The following ADAMTSL1 variants were observed in gnomAD, a reference collection of about 807,000 sequenced individuals.
ADAMTSL1 encodes the protein ADAMTS like 1, also known as ADAMTS-like protein 1.
ADAMTSL1 carries 126 observed loss-of-function variants against 201.8 expected under a neutral mutation model. The observed-to-expected ratio is 0.62, with a 90% CI of 0.54 to 0.72. ADAMTSL1 has a LOEUF of 0.72. Ranked by LOEUF, ADAMTSL1 falls within the 30% of genes least tolerant of loss-of-function variation. ADAMTSL1 has a pLI of 0.00. For missense variants in ADAMTSL1, 2,679 were observed against 2,277.8 expected (o/e 1.18, Z -3.59); for synonymous variants, 1,121 against 903.4 (o/e 1.24, Z -4.32).
Position 18,848,056 on chromosome 9 carries a change from C to G in ADAMTSL1, c.4249+18079C>G, listed in dbSNP as rs537373066. 3.9e-5 allele frequency among the ~76,000 whole-genome samples: 6 copies of G among 152,284 alleles called. No homozygotes were observed. The South Asian group carries it at 6.2e-4, about 16-fold the overall frequency. On this transcript the variant is annotated intron_variant, in intron 23 of 28. Transcript: ENST00000380548. The stretch of plus-strand genomic sequence containing the variant: ...AAAACAGAGGCTTATCAGGCTGGCT[C>G]TGGTACAAGCCGATATTGCTGATTT...
At chr9:18,798,336 T>A (rs1822562535) in intron 20 of ADAMTSL1, among the ~76,000 whole-genome samples, 1 of 152,220 alleles carries the variant, frequency 6.6e-6, no homozygotes, top group Admixed American at 6.5e-5. Flanking sequence ...AACGTCTTTA[T>A]ACTCACTGAC....
At position 18,503,221 on chromosome 9, in the gene ADAMTSL1, GC is replaced by G. The variant is rs1822932719; in HGVS notation, c.64-1602del. 3.3e-5 allele frequency among the ~76,000 whole-genome samples: 5 copies of G among 151,260 alleles called. No individual in the cohort carries two copies. In the South Asian group the frequency reaches 1.1e-3, roughly 32 times the overall value. ...ACTCCCCATTCCCCTCTCTCCCAGT[GC>G]CCCCCATTCTAGACACAGACACAGA... On this transcript the variant is annotated intron_variant, in intron 1 of 28. Transcript: ENST00000380548.
chr9:18,667,433 G>T (rs988966154), intron 9 of ADAMTSL1, among the ~76,000 whole-genome samples: 5 of 152,144 alleles, frequency 3.3e-5, no homozygotes, highest in Non-Finnish European at 7.4e-5. Flanking sequence ...ATGTTTAGGA[G>T]TGGGAGCTTT....
chr9:18,907,604 A>C (rs1405521637), intron 28 of ADAMTSL1: 1 of 152,376 alleles, frequency 6.6e-6, no homozygotes, highest in East Asian at 1.9e-4. Flanking sequence ...GTAGCTGTGC[A>C]GTTTTCTCCC....
At chr9:18,409,623 TG>T (rs1294260706) in intron 2 of ADAMTSL1, among the ~76,000 whole-genome samples, 2 of 151,116 alleles carry the variant, frequency 1.3e-5, no homozygotes, top group Non-Finnish European at 3.0e-5. Context: ...CAGTTTAAAC[TG>T]TTTTTTTGTG....
chr9:18,113,798 G>A (rs895526818), intron 1 of ADAMTSL1, among the ~76,000 whole-genome samples: 6 of 152,084 alleles, frequency 3.9e-5, no homozygotes, highest in Non-Finnish European at 7.4e-5. Flanking sequence ...ATTAAAGTAT[G>A]AAGTAACTGT....
At chr9:18,809,354 AT>A (rs1193725508) in intron 20 of ADAMTSL1, among the ~76,000 whole-genome samples, 6 of 152,164 alleles carry the variant, frequency 3.9e-5, no homozygotes, top group African/African-American at 1.2e-4. Context: ...GGGACAGGGA[AT>A]GGCCAGGGCT....
intron 2 of ADAMTSL1, among the ~76,000 whole-genome samples, chr9:18,253,863 C>T (rs940401897): frequency 1.7e-4 from 26 of 152,102 alleles, no homozygotes; most frequent in Admixed American, 4.6e-4. Context: ...GGTAGTGGGA[C>T]GAGGCAAGCA....
At chr9:18,297,218 C>T (rs757120634) in intron 2 of ADAMTSL1, among the ~76,000 whole-genome samples, 7 of 152,044 alleles carry the variant, frequency 4.6e-5, no homozygotes, top group Non-Finnish European at 7.3e-5. Flanking sequence ...CTGGGGATTG[C>T]CAGGGACTTA....
At chr9:17,967,421 G>A (rs1363900165) in intron 1 of ADAMTSL1, among the ~76,000 whole-genome samples, 2 of 152,026 alleles carry the variant, frequency 1.3e-5, no homozygotes, top group Non-Finnish European at 2.9e-5. Context: ...TTTTGTATCT[G>A]TGATTCTGTA....
At chr9:18,747,563 G>A (rs1819220846) in intron 15 of ADAMTSL1, among the ~76,000 whole-genome samples, 1 of 152,094 alleles carries the variant, frequency 6.6e-6, no homozygotes, top group Admixed American at 6.5e-5. Context: ...CCAGGCCTCA[G>A]CTCCTGCTTG....
At chr9:18,446,037 T>C (rs1407955466) in intron 2 of ADAMTSL1, among the ~76,000 whole-genome samples, 1 of 152,170 alleles carries the variant, frequency 6.6e-6, no homozygotes, top group Non-Finnish European at 1.5e-5. Flanking sequence ...CAGGAAGCGA[T>C]GGACCCAGAG....
At chr9:18,236,221 C>T (rs868709364) in intron 2 of ADAMTSL1, among the ~76,000 whole-genome samples, 1 of 152,160 alleles carries the variant, frequency 6.6e-6, no homozygotes, top group South Asian at 2.1e-4. Flanking sequence ...CAGGCACCCA[C>T]CACCACGCCC....
chr9:18,310,427 T>C (rs1457407424), intron 2 of ADAMTSL1, among the ~76,000 whole-genome samples: 1 of 107,010 alleles, frequency 9.3e-6, no homozygotes, highest in Non-Finnish European at 1.9e-5. Flanking sequence ...AGGCAACCTA[T>C]AGAACGGGAG....
At chr9:18,173,661 A>T (rs985927949) in intron 2 of ADAMTSL1, among the ~76,000 whole-genome samples, 1 of 152,304 alleles carries the variant, frequency 6.6e-6, no homozygotes, top group South Asian at 2.1e-4. Context: ...AAGTAATAAA[A>T]TGTGAAGCAT....
chr9:18,026,261 A>G (rs1030180676), intron 1 of ADAMTSL1, among the ~76,000 whole-genome samples: 20 of 151,966 alleles, frequency 1.3e-4, no homozygotes, highest in Non-Finnish European at 7.4e-5. Context: ...GAAGTGGTGA[A>G]AATAAGCATT....
chr9:18,187,532 G>A (rs374790500), intron 2 of ADAMTSL1, among the ~76,000 whole-genome samples: 90 of 151,880 alleles, frequency 5.9e-4, no homozygotes, highest in Non-Finnish European at 1.1e-3. Flanking sequence ...GGAATAAAAA[G>A]AAAGAAAAAA....
chr9:18,281,167 C>A (rs1014935361), intron 2 of ADAMTSL1, among the ~76,000 whole-genome samples: 2 of 152,028 alleles, frequency 1.3e-5, no homozygotes, highest in African/African-American at 4.8e-5. Flanking sequence ...AATGGCAATG[C>A]AGATATAATA....
At chr9:18,137,481 C>A (rs191816790) in intron 1 of ADAMTSL1, among the ~76,000 whole-genome samples, 1 of 152,208 alleles carries the variant, frequency 6.6e-6, no homozygotes, top group African/African-American at 2.4e-5. Flanking sequence ...GTCCAGGCTC[C>A]ATTAGTCTCA....
Sources: gnomAD v4.1 joint callset for allele counts (sites outside exome capture counted in the v4.1 genomes callset) on GRCh38, gnomAD v4.1.1 for gene constraint, MANE v1.5 for transcripts, NCBI Gene and HGNC (gene_info 2026-07-23, HGNC 2026-07-21) for gene names.